KIAA0319L: variants seen among roughly 807,000 people sequenced by gnomAD.
The protein encoded by KIAA0319L is KIAA0319 like, also known as dyslexia-associated protein KIAA0319-like protein.
In KIAA0319L, 55 loss-of-function variants were observed where a neutral mutation model predicts 120.1. That is an observed-to-expected ratio of 0.46 (90% CI 0.37 to 0.57). The LOEUF is 0.57. KIAA0319L is among the 20% of genes least tolerant of loss of function. KIAA0319L has a pLI of 0.00. For synonymous variants in KIAA0319L, 398 were observed against 471.9 expected (o/e 0.84, Z 2.03); for missense variants, 1,049 against 1,255.3 (o/e 0.84, Z 2.48).
Position 35,453,409 on chromosome 1 carries a change from G to C in KIAA0319L, c.1913+148C>G. 1.5e-6 allele frequency: 1 copy of C among 668,456 alleles called. No homozygotes were observed. The highest frequency in any genetic ancestry group is 2.5e-6 in the Non-Finnish European group (1 of 393,906). The allele number at this position is 668,456 out of a possible 1,614,324, so 41.4% of individuals were successfully genotyped here. A position where few individuals can be genotyped will look rare whatever the true frequency, so the allele number is the denominator to read the frequency against. ...ATGATTATAATATCATTTTCTTGGA[G>C]TTGAAGTTTGGAATTGCAAACATTT... On this transcript the variant is annotated intron_variant, in intron 12 of 20. Transcript: ENST00000325722. This position sits in a 1 kb window ranked among gnomAD's most constrained non-coding sequence, Gnocchi z 4.1.
chr1:35,524,896 T>G (rs1181018263), intron 2 of KIAA0319L, among the ~76,000 whole-genome samples: 1 of 152,222 alleles, frequency 6.6e-6, no homozygotes, highest in Non-Finnish European at 1.5e-5. Context: ...TACATTGTTG[T>G]TAACTATAGT....
intron 3 of KIAA0319L, among the ~76,000 whole-genome samples, chr1:35,490,668 A>G (rs568221650): frequency 6.6e-6 from 1 of 152,348 alleles, no homozygotes; most frequent in South Asian, 2.1e-4. Flanking sequence ...AAGACCTCAT[A>G]TCAAACTTTT....
chr1:35,539,681 C>T (rs902391735), intron 2 of KIAA0319L, among the ~76,000 whole-genome samples: 4 of 152,218 alleles, frequency 2.6e-5, no homozygotes, highest in African/African-American at 9.6e-5. Context: ...CTTTTCTCTA[C>T]AAGGCTGCTT....
intron 2 of KIAA0319L, among the ~76,000 whole-genome samples, chr1:35,517,377 G>A (rs1026482357): frequency 6.6e-6 from 1 of 152,134 alleles, no homozygotes; most frequent in Non-Finnish European, 1.5e-5. Context: ...ATAGACCAAC[G>A]GAACAGAATA....
chr1:35,484,804 ATAT>A (rs1176017593), intron 3 of KIAA0319L, among the ~76,000 whole-genome samples: 216 of 43,584 alleles, frequency 5.0e-3, no homozygotes, highest in African/African-American at 0.01. Context: ...ATATATATAT[ATAT>A]TTTTTTTTTT....
At position 35,507,122 on chromosome 1, in the gene KIAA0319L, G is replaced by T; in HGVS notation, c.156C>A (p.Ser52Arg). The change falls in exon 3 of 21, where the codon AGC (serine) becomes AGA (arginine). Residue 52 changes from serine (S) to arginine (R), a missense_variant. Coordinates refer to ENST00000325722, the MANE Select transcript of KIAA0319L (RefSeq NM_024874.5). ...ATTGTGTCTTCCCCTGCTGGCACCT[G>T]CTCTCACTGGCATCTAAAAACAAAG... ...VLWLSTDASE[S>R]RCQQGKTQFG... is the part of the protein sequence containing the mutation. The T allele has an allele frequency of 6.6e-7, 1 of 1,522,308 alleles. No homozygotes were observed. The allele number at this position is 1,522,308 out of a possible 1,614,324, so 94.3% of individuals were successfully genotyped here.
At chr1:35,534,877 A>AAAAAAAG (rs1646512048) in intron 2 of KIAA0319L, among the ~76,000 whole-genome samples, 1 of 149,022 alleles carries the variant, frequency 6.7e-6, no homozygotes. Flanking sequence ...AAAAAAAAAA[A>AAAAAAAG]AAAAAAGAAA....
chr1:35,505,518 G>A (rs987410758), intron 3 of KIAA0319L, among the ~76,000 whole-genome samples: 1 of 152,080 alleles, frequency 6.6e-6, no homozygotes, highest in Non-Finnish European at 1.5e-5. Context: ...ATACACCACT[G>A]TAAATACCTA....
chr1:35,450,413 T>A lies in KIAA0319L; in HGVS notation c.2159A>T (p.Asp720Val). Residue 720 changes from aspartate (D) to valine (V), a missense_variant, in exon 14 of 21, where the codon GAC becomes GTC. By Grantham distance (152) the Asp-to-Val change is radical. Coordinates refer to ENST00000325722, the MANE Select transcript of KIAA0319L (RefSeq NM_024874.5). Reference protein sequence around the residue: ...AELDGSKSSDDKGIVSYLWTR... With the variant: ...AELDGSKSSDVKGIVSYLWTR... Reference sequence around the variant, plus strand: ...CCAGAGGTAGCTGACTATTCCCTTGTCATCTGAGGACTTAGAGCCATCCAG... The same window carrying A: ...CCAGAGGTAGCTGACTATTCCCTTGACATCTGAGGACTTAGAGCCATCCAG... 2 of 1,614,172 alleles carry A rather than the reference T, an allele frequency of 1.2e-6. No homozygotes were observed. Among genetic ancestry groups the A allele is most frequent in the Non-Finnish European group, 1.7e-6 (2 of 1,180,014 alleles).
At chr1:35,466,851 T>A (rs1208331625) in intron 6 of KIAA0319L, among the ~76,000 whole-genome samples, 156 bp from the exon 7 acceptor site, 1 of 152,174 alleles carries the variant, frequency 6.6e-6, no homozygotes, top group Non-Finnish European at 1.5e-5. Context: ...TCCTAGCAAT[T>A]TGGGAGGAGG....
At chr1:35,449,813 C>G in intron 15 of KIAA0319L, 54 bp downstream of exon 15, 1 of 1,599,932 alleles carries the variant, frequency 6.3e-7, no homozygotes, top group Middle Eastern at 2.1e-4. Flanking sequence ...AGGATAGAGG[C>G]CTTGATTGGC....
At chr1:35,495,465 A>G (rs953740801) in intron 3 of KIAA0319L, among the ~76,000 whole-genome samples, 3 of 152,214 alleles carry the variant, frequency 2.0e-5, no homozygotes, top group African/African-American at 7.2e-5. Context: ...TAATAGAAAT[A>G]TTAATAAACC....
At chr1:35,491,006 C>CTGCAGAACTG (rs1466179074) in intron 3 of KIAA0319L, among the ~76,000 whole-genome samples, 2 of 152,212 alleles carry the variant, frequency 1.3e-5, no homozygotes, top group East Asian at 3.8e-4. Context: ...CCTGTACAGT[C>CTGCAGAACTG]TGCAGAACTG....
intron 3 of KIAA0319L, among the ~76,000 whole-genome samples, chr1:35,486,535 G>A (rs2148340304): frequency 6.6e-6 from 1 of 151,840 alleles, no homozygotes; most frequent in East Asian, 1.9e-4. Context: ...CTGCCATTTT[G>A]TAAGCCCTCT....
chr1:35,473,080 CTT>C (rs962861379), intron 5 of KIAA0319L, among the ~76,000 whole-genome samples: 17 of 90,478 alleles, frequency 1.9e-4, no homozygotes, highest in East Asian at 1.7e-3. Context: ...TGCGCCCAGC[CTT>C]TTTTTTTTTT....
chr1:35,454,328 A>G (rs746687625), intron 11 of KIAA0319L, 34 bp downstream of exon 11: 4 of 1,611,392 alleles, frequency 2.5e-6, no homozygotes, highest in African/African-American at 2.7e-5. Context: ...GGACCCACCA[A>G]TAGAAGAGCC....
At chr1:35,520,210 C>A (rs1019069850) in intron 2 of KIAA0319L, among the ~76,000 whole-genome samples, 1 of 151,900 alleles carries the variant, frequency 6.6e-6, no homozygotes, top group Non-Finnish European at 1.5e-5. Context: ...TCAAGCAATT[C>A]TGCCTCAGCC....
intron 7 of KIAA0319L, among the ~76,000 whole-genome samples, chr1:35,464,556 GA>G (rs1476423396): frequency 6.6e-6 from 1 of 152,190 alleles, no homozygotes; most frequent in Admixed American, 6.5e-5. Context: ...TAAAAGTTCA[GA>G]AAATTTGCAG....
intron 3 of KIAA0319L, among the ~76,000 whole-genome samples, chr1:35,482,903 G>A (rs1447734494): frequency 6.6e-6 from 1 of 152,138 alleles, no homozygotes; most frequent in African/African-American, 2.4e-5. Context: ...ATATAATCTT[G>A]ACAGAATTTG....
Sources: allele counts gnomAD v4.1 joint callset (sites outside exome capture counted in the v4.1 genomes callset), GRCh38; gene constraint gnomAD v4.1.1; non-coding constraint Gnocchi (gnomAD v3.1); transcripts MANE v1.5; gene names NCBI Gene and HGNC (gene_info 2026-07-23, HGNC 2026-07-21).